Variants in TMEM131 observed in about 807,000 individuals in gnomAD.
TMEM131 encodes the protein 2610524E03Rik.
A neutral mutation model predicts 211.6 loss-of-function variants in TMEM131; 66 were observed. The ratio of observed to expected loss-of-function variants is 0.31; its 90% CI spans 0.26 to 0.38. The LOEUF (loss-of-function observed/expected upper bound fraction) is 0.38. Ranked by LOEUF, TMEM131 falls within the 10% of genes least tolerant of loss-of-function variation. The probability of loss-of-function intolerance (pLI) is 1.00; values close to 1 mark genes in which losing one functional copy is unlikely to be tolerated. For synonymous variants in TMEM131, 844 were observed against 841.3 expected (o/e 1.00, Z -0.06); for missense variants, 2,036 against 2,299.3 (o/e 0.89, Z 2.34).
chr2:97,877,231 C>T (rs1327266789), intron 4 of TMEM131, among the ~76,000 whole-genome samples: 1 of 152,154 alleles, frequency 6.6e-6, no homozygotes, highest in Non-Finnish European at 1.5e-5. Flanking sequence ...GAAAAACATT[C>T]CATGCTCATG....
Position 97,966,357 on chromosome 2 carries a change from C to T in TMEM131, c.187+29119G>A, listed in dbSNP as rs1679058792. 1.3e-5 allele frequency among the ~76,000 whole-genome samples: 2 copies of T among 151,978 alleles called. 1 individual carries two copies. The highest frequency in any genetic ancestry group is 4.2e-4 in the South Asian group (2 of 4,816). On this transcript the variant is annotated intron_variant, in intron 1 of 40. Coordinates refer to ENST00000186436, the MANE Select transcript of TMEM131 (RefSeq NM_015348.2). ...ACCTAATACATTACTTTAAAAGAAC[C>T]CTTTCCTAATTTTTTAAAATTTCTT...
intron 1 of TMEM131, among the ~76,000 whole-genome samples, chr2:97,940,868 G>A (rs1677691476): frequency 6.6e-6 from 1 of 150,654 alleles, no homozygotes; most frequent in Admixed American, 6.6e-5. Context: ...TGGATAGGAA[G>A]AATCAGTATC....
rs1681468059 is a variant in TMEM131 at position 97,809,762 on chromosome 2, G to A, written c.1981C>T (p.Pro661Ser). The change falls in exon 19 of 41, where the codon CCT (proline) becomes TCT (serine). Residue 661 changes from proline to serine, a missense_variant. Transcript: ENST00000186436. ...CCTACTGCAATCACAGCCTTCACAG[G>A]GATTGTCAGGATCTGTGAAGTCAAG... ...ITTDYEILTIPVKAVIAVGSL... is the reference protein window; with the variant it reads ...ITTDYEILTISVKAVIAVGSL... The A allele has an allele frequency of 6.2e-7, 1 of 1,602,362 alleles. No individual in the cohort carries two copies.
intron 13 of TMEM131, among the ~76,000 whole-genome samples, 195 bp from the exon 14 acceptor site, chr2:97,814,583 TACAA>T (rs748997985): frequency 1.4e-3 from 216 of 152,282 alleles, no homozygotes; most frequent in Non-Finnish European, 2.2e-3. Context: ...CTGAAATTAA[TACAA>T]ACAACCATTC....
intron 11 of TMEM131, among the ~76,000 whole-genome samples, chr2:97,825,539 G>C (rs988675513): frequency 8.5e-5 from 13 of 152,122 alleles, no homozygotes; most frequent in Non-Finnish European, 1.9e-4. Context: ...TCTAATCAAG[G>C]AGACCCAGAG....
At chr2:97,884,219 T>G (rs879647445) in intron 4 of TMEM131, among the ~76,000 whole-genome samples, 7 of 152,194 alleles carry the variant, frequency 4.6e-5, no homozygotes, top group Non-Finnish European at 1.0e-4. Flanking sequence ...TTTTCACGTA[T>G]TTGTAGTTTT....
intron 4 of TMEM131, among the ~76,000 whole-genome samples, chr2:97,873,250 C>A (rs1674564554): frequency 6.6e-6 from 1 of 152,258 alleles, no homozygotes; most frequent in Non-Finnish European, 1.5e-5. Context: ...CAGCCCCAGT[C>A]AGGGACTTAT....
intron 22 of TMEM131, 45 bp from the exon 23 acceptor site, chr2:97,802,835 G>T (rs768227468): frequency 6.1e-6 from 9 of 1,472,994 alleles, no homozygotes; most frequent in Non-Finnish European, 7.3e-6. Flanking sequence ...TGAAATATTT[G>T]AGTCTTCTGA....
intron 19 of TMEM131, among the ~76,000 whole-genome samples, chr2:97,806,960 G>A (rs941499125): frequency 3.3e-5 from 5 of 152,150 alleles, no homozygotes; most frequent in Admixed American, 6.5e-5. Flanking sequence ...GGCAGTCACC[G>A]CACTTGGCGT....
intron 1 of TMEM131, among the ~76,000 whole-genome samples, chr2:97,933,028 A>G (rs1450314524): frequency 2.6e-5 from 4 of 152,246 alleles, no homozygotes; most frequent in Non-Finnish European, 4.4e-5. Flanking sequence ...TATTCAGTAT[A>G]GTAACATGTT....
intron 25 of TMEM131, among the ~76,000 whole-genome samples, chr2:97,800,680 C>T (rs376698671): frequency 5.9e-5 from 9 of 151,912 alleles, no homozygotes; most frequent in African/African-American, 1.4e-4. Context: ...TTGCACAAAC[C>T]CGGGCAGCAG....
chr2:97,814,196 G>C (rs775066869), intron 14 of TMEM131, 39 bp downstream of exon 14: 2 of 1,610,814 alleles, frequency 1.2e-6, no homozygotes, highest in East Asian at 4.5e-5. Context: ...CTAGTTGGTA[G>C]ACCAGGAAAA....
At chr2:97,886,960 G>C (rs1265132970) in intron 4 of TMEM131, among the ~76,000 whole-genome samples, 1 of 152,242 alleles carries the variant, frequency 6.6e-6, no homozygotes, top group African/African-American at 2.4e-5. Context: ...CAGCTGAACT[G>C]GGAGTTATGT....
chr2:97,844,999 G>C (rs1683358655), intron 5 of TMEM131, among the ~76,000 whole-genome samples: 1 of 152,048 alleles, frequency 6.6e-6, no homozygotes, highest in Non-Finnish European at 1.5e-5. Context: ...TAAGACTCTG[G>C]CTTCACCTTA....
chr2:97,915,217 A>G (rs1056066556), intron 2 of TMEM131, among the ~76,000 whole-genome samples: 1 of 152,156 alleles, frequency 6.6e-6, no homozygotes, highest in Admixed American at 6.5e-5. Context: ...AGTTCTTTCT[A>G]TATTCCAGAA....
chr2:97,814,542 T>A (rs964324035), intron 13 of TMEM131, among the ~76,000 whole-genome samples, 154 bp from the exon 14 acceptor site: 4 of 152,206 alleles, frequency 2.6e-5, no homozygotes, highest in Non-Finnish European at 1.5e-5. Flanking sequence ...ATTGACTATA[T>A]GATTTAAAAC....
At chr2:97,889,892 A>G (rs892758861) in intron 3 of TMEM131, among the ~76,000 whole-genome samples, 7 of 152,214 alleles carry the variant, frequency 4.6e-5, no homozygotes, top group African/African-American at 1.7e-4. Flanking sequence ...AGTAGGGGGA[A>G]CAAAAGTTGA....
chr2:97,787,569 G>A (rs1680312030), intron 31 of TMEM131, among the ~76,000 whole-genome samples: 1 of 152,176 alleles, frequency 6.6e-6, no homozygotes, highest in African/African-American at 2.4e-5. Flanking sequence ...CCTTATACAG[G>A]TGGACAATCT....
At chr2:97,814,173 G>T in intron 14 of TMEM131, 32 bp from the exon 15 acceptor site, 1 of 1,612,318 alleles carries the variant, frequency 6.2e-7, no homozygotes, top group Non-Finnish European at 8.5e-7. Flanking sequence ...AAAAAACAAA[G>T]TGTCAGCATC....
Sources: gnomAD v4.1 joint callset for allele counts (sites outside exome capture counted in the v4.1 genomes callset) on GRCh38, gnomAD v4.1.1 for gene constraint, MANE v1.5 for transcripts, NCBI Gene and HGNC (gene_info 2026-07-23, HGNC 2026-07-21) for gene names.